NAV2: variants seen among roughly 807,000 people sequenced by gnomAD.
The protein encoded by NAV2 is helicase, APC down-regulated 1.
In NAV2, 54 loss-of-function variants were observed where a neutral mutation model predicts 223.2. That is an observed-to-expected ratio of 0.24 (90% confidence interval 0.19 to 0.30). The LOEUF is 0.30. Among genes scored for constraint, NAV2 ranks in the 10% least tolerant of loss-of-function variants. The pLI is 1.00. For missense variants in NAV2, 2,806 were observed against 3,147.5 expected (o/e 0.89, Z 2.60); for synonymous variants, 1,279 against 1,239.3 (o/e 1.03, Z -0.67).
At chr11:19,522,462 A>G (rs1326358900) in intron 1 of NAV2, among the ~76,000 whole-genome samples, 1 of 152,182 alleles carries the variant, frequency 6.6e-6, no homozygotes, top group Non-Finnish European at 1.5e-5. Flanking sequence ...AGAGGCTCAT[A>G]GTGTCAGCAG....
chr11:19,913,471 T>C (rs1187200562), intron 6 of NAV2, among the ~76,000 whole-genome samples: 1 of 152,184 alleles, frequency 6.6e-6, no homozygotes, highest in African/African-American at 2.4e-5. Flanking sequence ...CTAGCTTTCT[T>C]AAGCTCACAC....
At chr11:19,528,663 G>A (rs2043922171) in intron 1 of NAV2, among the ~76,000 whole-genome samples, 1 of 152,160 alleles carries the variant, frequency 6.6e-6, no homozygotes, top group South Asian at 2.1e-4. Flanking sequence ...CGGGCACGGT[G>A]GCTTATGCCT....
At chr11:19,642,748 G>T (rs532188277) in intron 1 of NAV2, among the ~76,000 whole-genome samples, 1 of 152,232 alleles carries the variant, frequency 6.6e-6, no homozygotes, top group African/African-American at 2.4e-5. Context: ...TGTATTATAT[G>T]AGAAATTTAA....
chr11:19,376,980 G>T (rs186316728), intron 1 of NAV2, among the ~76,000 whole-genome samples: 1 of 152,188 alleles, frequency 6.6e-6, no homozygotes, highest in African/African-American at 2.4e-5. Flanking sequence ...GGCAGAGCTA[G>T]CTAAAAAGGG....
At chr11:19,857,166 A>T (rs1292654854) in intron 3 of NAV2, among the ~76,000 whole-genome samples, 3 of 152,244 alleles carry the variant, frequency 2.0e-5, no homozygotes, top group African/African-American at 4.8e-5. Flanking sequence ...CACTCTAGAG[A>T]CATATCTACT....
At chr11:19,654,517 C>G (rs939178589) in intron 1 of NAV2, among the ~76,000 whole-genome samples, 1 of 152,164 alleles carries the variant, frequency 6.6e-6, no homozygotes, top group Non-Finnish European at 1.5e-5. Flanking sequence ...GTAACCAAAA[C>G]AGCATGGTAC....
chr11:20,091,222 C>T lies in NAV2; in HGVS notation c.5652+204C>T, dbSNP rs144793198. Among the ~76,000 whole-genome samples the T allele has an allele frequency of 9.8e-4, 150 of 152,300 alleles. 1 individual carries two copies. Among genetic ancestry groups the T allele is most frequent in the Non-Finnish European group, 1.6e-3 (112 of 68,020 alleles). ...TAAGAGTACCCATGCTCTTCCTTTACGTAATACTTTTGGTGACTCCCCTGG... is the reference window on the plus strand; with the variant it reads ...TAAGAGTACCCATGCTCTTCCTTTATGTAATACTTTTGGTGACTCCCCTGG... On this transcript the variant is annotated intron_variant, in intron 27 of 37. Coordinates refer to ENST00000349880, the MANE Select transcript of NAV2 (RefSeq NM_145117.5).
chr11:19,956,826 A>C (rs766946059), intron 10 of NAV2, among the ~76,000 whole-genome samples: 5 of 151,920 alleles, frequency 3.3e-5, no homozygotes, highest in Non-Finnish European at 5.9e-5. Flanking sequence ...TCCCCGCCTT[A>C]CTGTCTCCTT....
intron 1 of NAV2, among the ~76,000 whole-genome samples, chr11:19,433,311 C>A (rs967393911): frequency 2.0e-5 from 3 of 152,098 alleles, no homozygotes; most frequent in Non-Finnish European, 2.9e-5. Flanking sequence ...AGCTCCCCAT[C>A]AAAGAGGGCA....
At chr11:19,618,988 T>G (rs1489118026) in intron 1 of NAV2, among the ~76,000 whole-genome samples, 2 of 1,736 alleles carry the variant, frequency 1.2e-3, no homozygotes, top group Non-Finnish European at 2.0e-3. Flanking sequence ...AATTCCCACC[T>G]ATGAGTGAGA....
chr11:19,617,982 A>G (rs2046848621), intron 1 of NAV2, among the ~76,000 whole-genome samples: 1 of 150,948 alleles, frequency 6.6e-6, no homozygotes, highest in South Asian at 2.1e-4. Context: ...CTTGCCTAAA[A>G]CTCCCCCATG....
At chr11:19,689,840 T>C (rs912478729) in intron 1 of NAV2, among the ~76,000 whole-genome samples, 15 of 152,194 alleles carry the variant, frequency 9.9e-5, no homozygotes, top group African/African-American at 2.9e-4. Context: ...GGGTGCTGAG[T>C]TGAAATAGAA....
chr11:19,965,705 T>A (rs2048716243), intron 10 of NAV2, among the ~76,000 whole-genome samples: 1 of 152,230 alleles, frequency 6.6e-6, no homozygotes, highest in Non-Finnish European at 1.5e-5. Flanking sequence ...GAGAAAACTC[T>A]GTGTTTTAGT....
chr11:20,084,926 C>T (rs763686920), intron 26 of NAV2, among the ~76,000 whole-genome samples: 3 of 152,158 alleles, frequency 2.0e-5, no homozygotes, highest in South Asian at 2.1e-4. Context: ...CAGTTACTGT[C>T]GCCTGTAATC....
intron 12 of NAV2, among the ~76,000 whole-genome samples, chr11:20,043,539 C>A (rs557988394): frequency 1.7e-4 from 26 of 152,230 alleles, no homozygotes; most frequent in African/African-American, 6.0e-4. Flanking sequence ...TCCACCTCCC[C>A]GGGGTGATCC....
At chr11:19,610,415 T>C (rs971986139) in intron 1 of NAV2, among the ~76,000 whole-genome samples, 1 of 152,198 alleles carries the variant, frequency 6.6e-6, no homozygotes, top group Non-Finnish European at 1.5e-5. Flanking sequence ...ACGGGCTCAT[T>C]CATGCTACAT....
intron 3 of NAV2, among the ~76,000 whole-genome samples, chr11:19,855,484 G>A (rs2061364632): frequency 6.6e-6 from 1 of 152,164 alleles, no homozygotes. Context: ...TCCTATTTCA[G>A]TAGCTTTCTT....
intron 11 of NAV2, among the ~76,000 whole-genome samples, chr11:19,988,070 A>T (rs1250663075): frequency 6.6e-6 from 1 of 152,194 alleles, no homozygotes; most frequent in African/African-American, 2.4e-5. Context: ...ACCCATCAAA[A>T]GTTCCCGAAC....
At chr11:20,095,583 CGGA>C in intron 29 of NAV2, 86 bp from the exon 30 acceptor site, 2 of 856,000 alleles carry the variant, frequency 2.3e-6, no homozygotes, top group South Asian at 2.9e-5. Flanking sequence ...AAACCATTGG[CGGA>C]GTTCTAAGGC....
Sources: allele counts gnomAD v4.1 joint callset (sites outside exome capture counted in the v4.1 genomes callset), GRCh38; gene constraint gnomAD v4.1.1; transcripts MANE v1.5; gene names NCBI Gene and HGNC (gene_info 2026-07-23, HGNC 2026-07-21).